UTRN: variants seen among roughly 807,000 people sequenced by gnomAD.
UTRN encodes the protein dystrophin-related protein 1.
A neutral mutation model predicts 463.9 loss-of-function variants in UTRN; 283 were observed. That is an observed-to-expected ratio of 0.61 (90% CI 0.55 to 0.67). The LOEUF is 0.67. UTRN is among the 30% of genes least tolerant of loss of function. The probability of loss-of-function intolerance (pLI) is 0.00; values close to 1 mark genes in which losing one functional copy is unlikely to be tolerated. For synonymous variants in UTRN, 1,442 were observed against 1,431.5 expected, an observed-to-expected ratio of 1.01 and a Z score of -0.17; for missense variants, 3,922 against 4,084.3, an observed-to-expected ratio of 0.96 and a Z score of 1.08.
chr6:144,678,648 C>T, intron 52 of UTRN, 70 bp downstream of exon 52: 3 of 1,397,098 alleles, frequency 2.1e-6, no homozygotes, highest in Non-Finnish European at 2.9e-6. Flanking sequence ...TTTTGTATAT[C>T]AGAAAGAGAA....
chr6:144,426,394 C>T lies in UTRN; in HGVS notation c.513C>T (p.Asn171=), dbSNP rs36000065. The T allele has an allele frequency of 0.011, 17,766 of 1,614,060 alleles. 1,411 individuals are homozygous for T. In the African/African-American group the frequency reaches 0.19, roughly 17 times the overall value. The part of the protein sequence containing the change: ...RQTTRPYSQV[N]VLNFTTSWTD... ...CCACCAGGCCCTACAGCCAAGTCAACGTCCTCAACTTCACCACCAGCTGGA... is the reference window on the plus strand; with the variant it reads ...CCACCAGGCCCTACAGCCAAGTCAATGTCCTCAACTTCACCACCAGCTGGA... Residue 171 remains asparagine, a synonymous_variant, in exon 7 of 75, where the codon AAC becomes AAT. Transcript: ENST00000367545.
intron 51 of UTRN, among the ~76,000 whole-genome samples, chr6:144,595,469 A>G (rs777939245): frequency 2.6e-5 from 4 of 152,188 alleles, no homozygotes; most frequent in Non-Finnish European, 5.9e-5. Flanking sequence ...TCTTTCTGCA[A>G]TGCAGGGTCA....
At chr6:144,689,116 T>C in intron 52 of UTRN, among the ~76,000 whole-genome samples, 1 of 152,312 alleles carries the variant, frequency 6.6e-6, no homozygotes, top group East Asian at 1.9e-4. Flanking sequence ...GGAATGCTGA[T>C]GTTACATATA....
In UTRN at chr6:144,744,320, ATGTG is replaced by A. The variant is rs757430794; in HGVS notation, c.7940-3896_7940-3893del. Among the ~76,000 whole-genome samples the A allele has an allele frequency of 1.8e-3, 167 of 95,428 alleles. 2 individuals carry two copies. The highest frequency in any genetic ancestry group is 6.4e-3 in the South Asian group (20 of 3,130). The allele number at this position is 95,428 out of a possible 152,430, so 62.6% of individuals were successfully genotyped here. On this transcript the variant is annotated intron_variant, in intron 54 of 74. Coordinates refer to ENST00000367545, the MANE Select transcript of UTRN (RefSeq NM_007124.3). ...ATGGTGTATACATATATATATATAT[ATGTG>A]TGTGTGTGTGTGTGTGTGTGTGTGT...
chr6:144,481,675 A>C (rs1480787430), intron 26 of UTRN, among the ~76,000 whole-genome samples: 1 of 151,276 alleles, frequency 6.6e-6, no homozygotes, highest in Non-Finnish European at 1.5e-5. Flanking sequence ...ACTTACGTTA[A>C]CACTGCTGTT....
In UTRN at chr6:144,461,774, G is replaced by C. The variant is rs562455432; in HGVS notation, c.2853+432G>C. 7.4e-4 allele frequency among the ~76,000 whole-genome samples: 113 copies of C among 152,210 alleles called. 1 individual carries two copies. The South Asian group carries it at 0.022, about 30-fold the overall frequency. ...AGCACTGCACACTTGGCCCACACTGGGTTTGCTGTTCCCTTGGTTTTTAGG... is the reference window on the plus strand; with the variant it reads ...AGCACTGCACACTTGGCCCACACTGCGTTTGCTGTTCCCTTGGTTTTTAGG... On this transcript the variant is annotated intron_variant, in intron 22 of 74. Transcript: ENST00000367545.
intron 52 of UTRN, among the ~76,000 whole-genome samples, chr6:144,684,113 G>A (rs201883735): frequency 4.7e-5 from 7 of 148,512 alleles, no homozygotes; most frequent in African/African-American, 7.5e-5. Flanking sequence ...GCAGTGGCAC[G>A]ATCTTGGCTC....
At chr6:144,306,924 G>T (rs1388703590) in intron 2 of UTRN, among the ~76,000 whole-genome samples, 1 of 151,760 alleles carries the variant, frequency 6.6e-6, no homozygotes, top group Non-Finnish European at 1.5e-5. Flanking sequence ...AATTACCTGG[G>T]CATGGGGTCG....
At chr6:144,590,870 A>G (rs1027131929) in intron 51 of UTRN, among the ~76,000 whole-genome samples, 1 of 125,818 alleles carries the variant, frequency 7.9e-6, no homozygotes, top group African/African-American at 3.7e-5. Flanking sequence ...ACACACACAC[A>G]CACACGCACA....
At chr6:144,347,791 A>T (rs1403399552) in intron 2 of UTRN, among the ~76,000 whole-genome samples, 1 of 149,486 alleles carries the variant, frequency 6.7e-6, no homozygotes, top group Non-Finnish European at 1.5e-5. Flanking sequence ...GTGAGGCCAG[A>T]TGGGGACACT....
intron 2 of UTRN, among the ~76,000 whole-genome samples, chr6:144,312,482 C>T (rs1055547370): frequency 6.6e-6 from 1 of 151,630 alleles, no homozygotes; most frequent in Non-Finnish European, 1.5e-5. Flanking sequence ...AAGCCGTTAC[C>T]TCCATACAAA....
intron 54 of UTRN, among the ~76,000 whole-genome samples, chr6:144,742,305 A>G (rs754008665): frequency 5.6e-4 from 85 of 152,232 alleles, no homozygotes; most frequent in Non-Finnish European, 9.7e-4. Context: ...AATCTGGCTC[A>G]TAATGAGTGG....
At chr6:144,808,590 C>T (rs188429407) in intron 65 of UTRN, among the ~76,000 whole-genome samples, 98 of 152,054 alleles carry the variant, frequency 6.4e-4, no homozygotes, top group Admixed American at 1.6e-3. Flanking sequence ...TATCTGTAGC[C>T]ACAAGCTGTA....
chr6:144,824,772 G>GT (rs1491527974), intron 66 of UTRN, among the ~76,000 whole-genome samples: 1 of 131,088 alleles, frequency 7.6e-6, no homozygotes, highest in Non-Finnish European at 1.7e-5. Context: ...GAAGTTGGTG[G>GT]TGGGGGGGGG....
At chr6:144,381,063 T>G (rs1439235270) in intron 2 of UTRN, among the ~76,000 whole-genome samples, 3 of 152,164 alleles carry the variant, frequency 2.0e-5, no homozygotes, top group Admixed American at 6.5e-5. Flanking sequence ...TAGGTTTGTT[T>G]CATGGGTAAA....
At chr6:144,709,753 A>G (rs566415972) in intron 53 of UTRN, among the ~76,000 whole-genome samples, 2 of 152,358 alleles carry the variant, frequency 1.3e-5, no homozygotes, top group South Asian at 2.1e-4. Flanking sequence ...TCCAAAAGGT[A>G]TGATCTCATA....
intron 52 of UTRN, among the ~76,000 whole-genome samples, chr6:144,695,755 T>C (rs139715385): frequency 6.6e-6 from 1 of 152,356 alleles, no homozygotes; most frequent in Non-Finnish European, 1.5e-5. Context: ...GCTAATGATT[T>C]GAAACGTCAG....
chr6:144,803,434 T>C (rs1195478997), intron 65 of UTRN, among the ~76,000 whole-genome samples: 1 of 152,036 alleles, frequency 6.6e-6, no homozygotes, highest in African/African-American at 2.4e-5. Flanking sequence ...AAATCATGTT[T>C]CTTTTAGACA....
chr6:144,392,377 C>T (rs921544058), intron 2 of UTRN, among the ~76,000 whole-genome samples: 1 of 152,152 alleles, frequency 6.6e-6, no homozygotes, highest in African/African-American at 2.4e-5. Flanking sequence ...GATCTAGCCT[C>T]CCAGACTCAC....
Sources: allele counts gnomAD v4.1 joint callset (sites outside exome capture counted in the v4.1 genomes callset), GRCh38; gene constraint gnomAD v4.1.1; transcripts MANE v1.5; gene names NCBI Gene and HGNC (gene_info 2026-07-23, HGNC 2026-07-21).